Variants in IMMP2L observed in about 807,000 individuals in gnomAD.
IMMP2L encodes the protein inner mitochondrial membrane peptidase subunit 2.
IMMP2L carries 18 observed loss-of-function variants against 19.3 expected under a neutral mutation model. The observed-to-expected ratio is 0.93, with a 90% confidence interval of 0.64 to 1.38. The LOEUF is 1.38. Among genes scored for constraint, IMMP2L ranks in the 40% most tolerant of loss-of-function variants. The pLI, the probability that IMMP2L is intolerant of heterozygous loss-of-function variation, is 0.00. For synonymous variants in IMMP2L, 76 were observed against 73.0 expected, an observed-to-expected ratio of 1.04 and a Z score of -0.21; for missense variants, 233 against 218.2, an observed-to-expected ratio of 1.07 and a Z score of -0.43.
chr7:110,899,119 T>C (rs999256672), intron 4 of IMMP2L, among the ~76,000 whole-genome samples: 1 of 152,148 alleles, frequency 6.6e-6, no homozygotes, highest in Non-Finnish European at 1.5e-5. Context: ...TATTTGATCT[T>C]CAAAGTACAG....
intron 3 of IMMP2L, among the ~76,000 whole-genome samples, chr7:111,089,862 T>A (rs1315125657): frequency 6.6e-6 from 1 of 151,592 alleles, no homozygotes; most frequent in African/African-American, 2.4e-5. Flanking sequence ...CTGTTTAAAA[T>A]TTTTCCTGGT....
At chr7:110,830,137 G>T (rs969371221) in intron 5 of IMMP2L, among the ~76,000 whole-genome samples, 1 of 152,112 alleles carries the variant, frequency 6.6e-6, no homozygotes, top group African/African-American at 2.4e-5. Flanking sequence ...CCGTGCATGA[G>T]AAAAGAGGTT....
chr7:110,840,277 T>C (rs1251029497), intron 5 of IMMP2L, among the ~76,000 whole-genome samples: 5 of 152,142 alleles, frequency 3.3e-5, no homozygotes, highest in Non-Finnish European at 7.4e-5. Flanking sequence ...TTTTCTGTTA[T>C]CCTTTTTCAT....
At chr7:111,256,808 G>GA (rs1357385100) in intron 3 of IMMP2L, among the ~76,000 whole-genome samples, 2 of 151,898 alleles carry the variant, frequency 1.3e-5, no homozygotes, top group East Asian at 1.9e-4. Context: ...CACCCTCTGA[G>GA]AAAAAACATT....
chr7:110,924,700 T>A lies in IMMP2L; in HGVS notation c.306-38005A>T, dbSNP rs965759315. 1.3e-5 allele frequency among the ~76,000 whole-genome samples: 2 copies of A among 152,150 alleles called. No individual in the cohort carries two copies. The highest frequency in any genetic ancestry group is 2.9e-5 in the Non-Finnish European group (2 of 68,014). On this transcript the variant is annotated intron_variant, in intron 4 of 5. Coordinates refer to ENST00000405709, the MANE Select transcript of IMMP2L (RefSeq NM_032549.4). The surrounding 1 kb of genome is among the most constrained non-coding windows in gnomAD (Gnocchi z 4.2). ...CAGTGCTGAGACTCAACAATTTAAA[T>A]GGCCTCATTTCTTCTTTCAGTGCTT...
At chr7:111,426,109 G>C (rs2131640545) in intron 3 of IMMP2L, among the ~76,000 whole-genome samples, 1 of 151,152 alleles carries the variant, frequency 6.6e-6, no homozygotes, top group South Asian at 2.1e-4. Flanking sequence ...GTTCATCCCA[G>C]GGTATGGACT....
intron 3 of IMMP2L, among the ~76,000 whole-genome samples, chr7:111,325,592 T>C (rs972617386): frequency 2.6e-5 from 4 of 151,768 alleles, no homozygotes; most frequent in Non-Finnish European, 5.9e-5. Context: ...AGTGTTTTAA[T>C]AGTATAAATC....
chr7:111,422,902 A>G (rs575958187), intron 3 of IMMP2L, among the ~76,000 whole-genome samples: 1 of 151,972 alleles, frequency 6.6e-6, no homozygotes, highest in African/African-American at 2.4e-5. Flanking sequence ...ATCAATACCT[A>G]GTTTATTGAA....
At chr7:111,526,800 A>G (rs191447196) in intron 1 of IMMP2L, among the ~76,000 whole-genome samples, 15 of 152,260 alleles carry the variant, frequency 9.9e-5, no homozygotes, top group Non-Finnish European at 1.9e-4. Flanking sequence ...TTTGCTGTTC[A>G]TCATGCCCTG....
chr7:110,665,655 G>GA (rs1177564191), intron 5 of IMMP2L, among the ~76,000 whole-genome samples: 4 of 152,112 alleles, frequency 2.6e-5, no homozygotes, highest in Non-Finnish European at 2.9e-5. Context: ...GGAATTGCTT[G>GA]ATTTTTTTTC....
intron 3 of IMMP2L, among the ~76,000 whole-genome samples, chr7:111,005,374 T>C (rs1163255986): frequency 6.6e-6 from 1 of 152,178 alleles, no homozygotes; most frequent in Non-Finnish European, 1.5e-5. Flanking sequence ...AAAGTAGCTC[T>C]CGGAAATTAT....
intron 5 of IMMP2L, among the ~76,000 whole-genome samples, chr7:110,679,255 A>G (rs1403882495): frequency 6.6e-6 from 1 of 152,108 alleles, no homozygotes; most frequent in Non-Finnish European, 1.5e-5. Flanking sequence ...ACATAATCAA[A>G]TCACTGGAGT....
At chr7:111,556,534 C>T (rs939176483) in intron 1 of IMMP2L, among the ~76,000 whole-genome samples, 5 of 152,076 alleles carry the variant, frequency 3.3e-5, no homozygotes, top group Admixed American at 6.6e-5. Context: ...TCAGCCTCAT[C>T]TCCTATTCAG....
At chr7:110,973,904 TAAAG>T (rs758498483) in intron 3 of IMMP2L, among the ~76,000 whole-genome samples, 1 of 152,084 alleles carries the variant, frequency 6.6e-6, no homozygotes, top group Non-Finnish European at 1.5e-5. Flanking sequence ...CAACTTTCTT[TAAAG>T]AAAGAGTGGG....
chr7:111,007,305 T>G (rs1052445990), intron 3 of IMMP2L, among the ~76,000 whole-genome samples: 5 of 152,074 alleles, frequency 3.3e-5, no homozygotes, highest in African/African-American at 1.2e-4. Context: ...CATGTCAGGA[T>G]TACAATTCAA....
intron 3 of IMMP2L, among the ~76,000 whole-genome samples, chr7:111,210,886 C>A (rs1203748765): frequency 1.3e-5 from 2 of 152,008 alleles, no homozygotes; most frequent in African/African-American, 4.8e-5. Context: ...TGTGTTGTGT[C>A]CCCCAGCAGT....
chr7:110,666,361 A>G (rs10271151), intron 5 of IMMP2L, among the ~76,000 whole-genome samples: 26,237 of 151,842 alleles, frequency 0.17, 2,590 homozygotes, highest in South Asian at 0.32. Flanking sequence ...TGCAAGCTCC[A>G]CCTCCTGGGG....
At chr7:111,291,235 A>G (rs976964427) in intron 3 of IMMP2L, among the ~76,000 whole-genome samples, 1 of 152,172 alleles carries the variant, frequency 6.6e-6, no homozygotes, top group Non-Finnish European at 1.5e-5. Context: ...AAAAAAGTTC[A>G]ACAAGAAACA....
intron 3 of IMMP2L, among the ~76,000 whole-genome samples, chr7:111,007,827 T>C (rs1824466743): frequency 6.6e-6 from 1 of 152,054 alleles, no homozygotes; most frequent in Non-Finnish European, 1.5e-5. Flanking sequence ...CTTGGCTGTG[T>C]CATAAGCATC....
Sources: allele counts gnomAD v4.1 joint callset (sites outside exome capture counted in the v4.1 genomes callset), GRCh38; gene constraint gnomAD v4.1.1; non-coding constraint Gnocchi (gnomAD v3.1); transcripts MANE v1.5; gene names NCBI Gene and HGNC (gene_info 2026-07-23, HGNC 2026-07-21).